RTTN: variants seen among roughly 807,000 people sequenced by gnomAD.
RTTN encodes rotatin.
A neutral mutation model predicts 269.2 loss-of-function variants in RTTN; 182 were observed. The ratio of observed to expected loss-of-function variants is 0.68; its 90% CI spans 0.60 to 0.76. The LOEUF (loss-of-function observed/expected upper bound fraction) is 0.76, where lower values mean the gene tolerates loss of function less well. Among genes scored for constraint, RTTN ranks in the 30% least tolerant of loss-of-function variants. RTTN has a pLI of 0.00. For missense variants in RTTN, 2,545 were observed against 2,608.6 expected (o/e 0.98, Z 0.53); for synonymous variants, 1,006 against 963.5 (o/e 1.04, Z -0.82).
intron 28 of RTTN, among the ~76,000 whole-genome samples, chr18:70,102,265 C>T (rs144913267): frequency 0.021 from 3,162 of 152,246 alleles, 99 homozygotes; most frequent in African/African-American, 0.07. Flanking sequence ...TGCTCCTGTA[C>T]TGGGTGCATA....
chr18:70,006,428 T>A lies in RTTN; in HGVS notation c.6478A>T (p.Arg2160Trp). ...GCCCAAAGGGCAGCTGCTCCAATCC[T>A]CTGAGCATTTTGATTCTCACTTTCC... ...CLESENQNAQ[R>W]IGAAALWALI... Residue 2160 changes from arginine to tryptophan, a missense_variant, in exon 47 of 49, where the codon AGG becomes TGG. Coordinates refer to ENST00000640769, the MANE Select transcript of RTTN (RefSeq NM_173630.4). 1 of 1,614,112 alleles carries A rather than the reference T, an allele frequency of 6.2e-7. No homozygotes were observed. The highest frequency in any genetic ancestry group is 8.5e-7 in the Non-Finnish European group (1 of 1,179,946).
intron 23 of RTTN, among the ~76,000 whole-genome samples, chr18:70,132,477 TTAA>T (rs989698639): frequency 3.8e-5 from 5 of 131,986 alleles, no homozygotes; most frequent in Admixed American, 1.5e-4. Context: ...TAGCTAAATA[TTAA>T]TAATAAAATA....
chr18:70,057,076 T>C (rs895178315), intron 37 of RTTN, among the ~76,000 whole-genome samples: 1 of 152,154 alleles, frequency 6.6e-6, no homozygotes, highest in Non-Finnish European at 1.5e-5. Context: ...TTCCCAAACT[T>C]TGTAATGGGG....
intron 9 of RTTN, 80 bp downstream of exon 9, chr18:70,190,455 TAGA>T: frequency 2.0e-6 from 2 of 1,006,262 alleles, no homozygotes; most frequent in South Asian, 3.3e-5. Context: ...GGCCCTAACA[TAGA>T]AGAGAAAAAA....
At chr18:70,102,935 G>A (rs963354629) in intron 28 of RTTN, among the ~76,000 whole-genome samples, 28 of 151,228 alleles carry the variant, frequency 1.9e-4, no homozygotes, top group African/African-American at 5.6e-4. Context: ...CTGCCCGGGC[G>A]CCCCGTCTGG....
intron 26 of RTTN, among the ~76,000 whole-genome samples, chr18:70,118,618 G>A (rs1184965755): frequency 2.0e-5 from 3 of 152,008 alleles, no homozygotes; most frequent in South Asian, 2.1e-4. Flanking sequence ...AAAGCCAGAC[G>A]TGGGAACTAC....
intron 14 of RTTN, among the ~76,000 whole-genome samples, chr18:70,163,178 T>C (rs538352923): frequency 6.9e-6 from 1 of 145,152 alleles, no homozygotes; most frequent in African/African-American, 2.5e-5. Flanking sequence ...GGTCAAGAGA[T>C]CGAGACCATC....
At chr18:70,190,219 CAAAAAAAAA>C (rs565249813) in intron 9 of RTTN, among the ~76,000 whole-genome samples, 1 of 126,210 alleles carries the variant, frequency 7.9e-6, no homozygotes, top group African/African-American at 3.1e-5. Flanking sequence ...CCATACAGTC[CAAAAAAAAA>C]AGAAAAAAAT....
chr18:70,103,558 G>A (rs1017437807), intron 28 of RTTN, among the ~76,000 whole-genome samples: 1 of 152,016 alleles, frequency 6.6e-6, no homozygotes, highest in African/African-American at 2.4e-5. Flanking sequence ...CTTGAAGGCA[G>A]CATGCTGGTC....
intron 34 of RTTN, among the ~76,000 whole-genome samples, chr18:70,072,270 C>G (rs1466426980): frequency 6.6e-6 from 1 of 152,058 alleles, no homozygotes; most frequent in Non-Finnish European, 1.5e-5. Context: ...ACAGAATACA[C>G]TAGCCTTTAG....
intron 8 of RTTN, chr18:70,193,086 T>C (rs920076384): frequency 3.9e-6 from 2 of 517,068 alleles, no homozygotes; most frequent in Non-Finnish European, 3.4e-6. Flanking sequence ...TGAGTTGCGA[T>C]GTAATATTTA....
At position 70,166,735 on chromosome 18, in the gene RTTN, A is replaced by G. The variant is rs972500526; in HGVS notation, c.1802+184T>C. On this transcript the variant is annotated intron_variant, in intron 13 of 48. Coordinates refer to ENST00000640769, the MANE Select transcript of RTTN (RefSeq NM_173630.4). ...ACATTTTTGAAGTTTAATCTTGAATATAACAGTTAAGTATCCTAATGCAGC... is the reference window on the plus strand; with the variant it reads ...ACATTTTTGAAGTTTAATCTTGAATGTAACAGTTAAGTATCCTAATGCAGC... 31 of 460,670 alleles carry G rather than the reference A, an allele frequency of 6.7e-5. No individual in the cohort carries two copies. The South Asian group carries it at 8.6e-4, about 13-fold the overall frequency. The allele number at this position is 460,670 out of a possible 1,614,324, so 28.5% of individuals were successfully genotyped here. A position where few individuals can be genotyped will look rare whatever the true frequency, so the allele number is the denominator to read the frequency against.
At position 70,030,964 on chromosome 18, in the gene RTTN, G is replaced by A; in HGVS notation, c.5559C>T (p.Ser1853=). 1 of 1,612,756 alleles carries A rather than the reference G, an allele frequency of 6.2e-7. No homozygotes were observed. The highest frequency in any genetic ancestry group is 1.1e-5 in the South Asian group (1 of 90,946). The change falls in exon 41 of 49, where the codon TCC becomes TCT. Residue 1853 remains serine (S), a synonymous_variant. Coordinates refer to ENST00000640769, the MANE Select transcript of RTTN (RefSeq NM_173630.4). ...CTACTCTTTTCAGGATATCTTTGGA[G>A]GATTTCCCTTCATAGCACTGCAGAG... is the stretch of plus-strand genomic sequence containing the variant. ...DVILQCYEGK[S]SKDILKRVAA...
intron 23 of RTTN, chr18:70,130,652 G>A (rs915283736): frequency 6.6e-6 from 1 of 151,818 alleles, no homozygotes; most frequent in South Asian, 2.1e-4. Context: ...TGGGGAAGGG[G>A]GGAATTAAGA....
chr18:70,006,410 G>T lies in RTTN; in HGVS notation c.6496C>A (p.Leu2166Ile). ...QNAQRIGAAA[L>I]WALIYNYQKA... ...TGATAATTGTAAATCAGAGCCCAAA[G>T]GGCAGCTGCTCCAATCCTCTGAGCA... Residue 2166 changes from leucine (L) to isoleucine (I), a missense_variant, in exon 47 of 49, where the codon CTT becomes ATT. By Grantham distance (5) the Leu-to-Ile change is conservative. Coordinates refer to ENST00000640769, the MANE Select transcript of RTTN (RefSeq NM_173630.4). 1.2e-6 allele frequency: 2 copies of T among 1,613,968 alleles called. No individual in the cohort carries two copies. Among genetic ancestry groups the T allele is most frequent in the Non-Finnish European group, 1.7e-6 (2 of 1,179,850 alleles).
chr18:70,086,950 A>T (rs1217333127), intron 31 of RTTN, among the ~76,000 whole-genome samples: 1 of 152,088 alleles, frequency 6.6e-6, no homozygotes, highest in Non-Finnish European at 1.5e-5. Context: ...ATCTTTTCCT[A>T]TTTCAGAATT....
At chr18:70,006,598 G>GCATTCTAT in intron 46 of RTTN, 114 bp from the exon 47 acceptor site, 1 of 772,002 alleles carries the variant, frequency 1.3e-6, no homozygotes, top group South Asian at 1.6e-5. Flanking sequence ...ACATAAAGTT[G>GCATTCTAT]GTATCACTAG....
intron 45 of RTTN, among the ~76,000 whole-genome samples, chr18:70,018,826 CTTTTTTTTT>C (rs5825984): frequency 5.5e-4 from 27 of 48,986 alleles, no homozygotes; most frequent in Admixed American, 2.8e-3. Flanking sequence ...GTGGGCACTC[CTTTTTTTTT>C]TTTTTTTTTT....
At chr18:70,168,457 T>C (rs2061049714) in intron 12 of RTTN, among the ~76,000 whole-genome samples, 1 of 152,214 alleles carries the variant, frequency 6.6e-6, no homozygotes, top group South Asian at 2.1e-4. Flanking sequence ...ATGTAAGAAC[T>C]ATCTATAAAA....
Sources: gnomAD v4.1 joint callset for allele counts (sites outside exome capture counted in the v4.1 genomes callset) on GRCh38, gnomAD v4.1.1 for gene constraint, MANE v1.5 for transcripts, NCBI Gene and HGNC (gene_info 2026-07-23, HGNC 2026-07-21) for gene names.